Variants in SPRY1 observed in about 807,000 individuals in gnomAD.
SPRY1 encodes the protein protein sprouty homolog 1.
A neutral mutation model predicts 22.6 loss-of-function variants in SPRY1; 20 were observed. That is an observed-to-expected ratio of 0.89 (90% CI 0.62 to 1.29). The LOEUF (loss-of-function observed/expected upper bound fraction) is 1.29, where lower values mean the gene tolerates loss of function less well. Ranked by LOEUF, SPRY1 falls within the 50% of genes most tolerant of loss-of-function variation. The pLI, the probability that SPRY1 is intolerant of heterozygous loss-of-function variation, is 0.00. For synonymous variants in SPRY1, 155 were observed against 144.7 expected, an observed-to-expected ratio of 1.07 and a Z score of -0.51; for missense variants, 446 against 387.7, an observed-to-expected ratio of 1.15 and a Z score of -1.26.
chr4:123,399,852 C>G (rs1320630716), intron 2 of SPRY1: 1 of 152,222 alleles, frequency 6.6e-6, no homozygotes, highest in African/African-American at 2.4e-5. Flanking sequence ...CGCGTGTGAG[C>G]GTGTTTGGGG....
intron 1 of SPRY1, among the ~76,000 whole-genome samples, chr4:123,397,365 G>C (rs1475423342): frequency 2.0e-5 from 3 of 152,184 alleles, no homozygotes; most frequent in Non-Finnish European, 4.4e-5. Flanking sequence ...GGCGTTGCTT[G>C]AACGTTGTTT....
chr4:123,401,476 C>CA (rs1725147446), intron 2 of SPRY1, 61 bp from the exon 3 acceptor site: 1 of 1,360,788 alleles, frequency 7.3e-7, no homozygotes, highest in African/African-American at 1.5e-5. Flanking sequence ...ATTCCCCCCC[C>CA]CCAAAAAAAA....
At position 123,396,922 on chromosome 4, in the gene SPRY1, C is replaced by T. The variant is rs933967951; in HGVS notation, c.-312C>T. 1.1e-4 allele frequency: 17 copies of T among 152,326 alleles called. No homozygotes were observed. Among genetic ancestry groups the T allele is most frequent in the African/African-American group, 4.1e-4 (17 of 41,558 alleles). The allele number at this position is 152,326 out of a possible 1,614,324, so 9.4% of individuals were successfully genotyped here. A position where few individuals can be genotyped will look rare whatever the true frequency, so the allele number is the denominator to read the frequency against. On this transcript the variant is annotated 5_prime_UTR_variant, in exon 1 of 3. Transcript: ENST00000651917. The stretch of plus-strand genomic sequence containing the variant: ...ATGTGCCTGAAAAGCAATTTGCAAT[C>T]TTTGCATTAGGTAAGTACCGTTTCC...
intron 2 of SPRY1, chr4:123,400,201 G>A (rs2126195756): frequency 6.6e-6 from 1 of 152,310 alleles, no homozygotes; most frequent in Middle Eastern, 3.4e-3. Flanking sequence ...TTATGAATGT[G>A]TTACTCCTCA....
chr4:123,401,993 A>G lies in SPRY1; in HGVS notation c.402A>G (p.Gly134=). The stretch of plus-strand genomic sequence containing the variant: ...ACAGCAGTGCCTCTTCTGAACAGGG[A>G]CTGTTAGGAAGGTCACCACCAACCA... ...GSNSSASSEQ[G]LLGRSPPTRP... Residue 134 remains glycine, a synonymous_variant, in exon 3 of 3, where the codon GGA becomes GGG. Coordinates refer to ENST00000651917, the MANE Select transcript of SPRY1 (RefSeq NM_001258038.2). The G allele has an allele frequency of 1.9e-6, 3 of 1,614,148 alleles. No individual in the cohort carries two copies. Among genetic ancestry groups the G allele is most frequent in the Non-Finnish European group, 2.5e-6 (3 of 1,180,028 alleles).
intron 1 of SPRY1, among the ~76,000 whole-genome samples, chr4:123,397,157 C>A (rs964223002): frequency 1.3e-5 from 2 of 152,192 alleles, no homozygotes; most frequent in Non-Finnish European, 2.9e-5. Context: ...CTTAACCGAA[C>A]AGTAGACGTT....
Position 123,401,512 on chromosome 4 carries a change from T to C in SPRY1, c.-55-25T>C, listed in dbSNP as rs1470027923. ...TGCTTCCTGTCATTTATTTTCTGTT[T>C]TTTTCATCTTTGATTTCGTTTTAGG... On this transcript the variant is annotated intron_variant, in intron 2 of 2. Transcript: ENST00000651917. 1.4e-5 allele frequency: 21 copies of C among 1,533,924 alleles called. No homozygotes were observed. The Admixed American group carries it at 4.3e-4, about 31-fold the overall frequency.
At position 123,403,282 on chromosome 4, in the gene SPRY1, C is replaced by G. The variant is rs1483105766; in HGVS notation, c.*731C>G. 6.0e-6 allele frequency: 1 copy of G among 167,362 alleles called. No individual in the cohort carries two copies. Among genetic ancestry groups the G allele is most frequent in the Non-Finnish European group, 1.5e-5 (1 of 68,322 alleles). The allele number at this position is 167,362 out of a possible 1,614,324, so 10.4% of individuals were successfully genotyped here. ...ATTTGTGAAGGACTCAGCCACCTTCCTTCTTCACCCCATGCTTCTCACCAA... is the reference window on the plus strand; with the variant it reads ...ATTTGTGAAGGACTCAGCCACCTTCGTTCTTCACCCCATGCTTCTCACCAA... On this transcript the variant is annotated 3_prime_UTR_variant, in exon 3 of 3. Coordinates refer to ENST00000651917, the MANE Select transcript of SPRY1 (RefSeq NM_001258038.2).
Position 123,402,531 on chromosome 4 carries a change from G to C in SPRY1, c.940G>C (p.Gly314Arg). The stretch of plus-strand genomic sequence containing the variant: ...TAAGCTGGAGAGCTGCCCCTCCCGG[G>C]GTCAGGGTAAACCATCATGATTTTT... Reference protein sequence around the residue: ...YCKLESCPSRGQGKPS With the variant: ...YCKLESCPSRRQGKPS Residue 314 changes from glycine (G) to arginine (R), a missense_variant, in exon 3 of 3, where the codon GGT becomes CGT. Coordinates refer to ENST00000651917, the MANE Select transcript of SPRY1 (RefSeq NM_001258038.2). The C allele has an allele frequency of 6.2e-7, 1 of 1,612,968 alleles. No homozygotes were observed. The highest frequency in any genetic ancestry group is 8.5e-7 in the Non-Finnish European group (1 of 1,179,188).
intron 2 of SPRY1, chr4:123,399,590 C>G (rs1725064873): frequency 6.6e-6 from 1 of 152,342 alleles, no homozygotes; most frequent in Admixed American, 6.5e-5. Context: ...TGGCTTCTTT[C>G]TCCTCGGCCC....
Position 123,401,682 on chromosome 4 carries a change from A to G in SPRY1, c.91A>G (p.Arg31Gly). Residue 31 changes from arginine (R) to glycine (G), a missense_variant, in exon 3 of 3, where the codon AGA (arginine) becomes GGA (glycine). Transcript: ENST00000651917. ...LDSRQRLDYE[R>G]EIQPTAILSL... ...TAGCCGTCAGAGATTAGACTATGAG[A>G]GAGAGATTCAGCCTACTGCTATTTT... The G allele has an allele frequency of 6.2e-7, 1 of 1,614,166 alleles. No homozygotes were observed. The highest frequency in any genetic ancestry group is 2.2e-5 in the East Asian group (1 of 44,884).
At position 123,401,672 on chromosome 4, in the gene SPRY1, A is replaced by G; in HGVS notation, c.81A>G (p.Leu27=). ...CTTCTTTGGATAGCCGTCAGAGATT[A>G]GACTATGAGAGAGAGATTCAGCCTA... ...QQPSLDSRQR[L]DYEREIQPTA... The change falls in exon 3 of 3, where the codon TTA becomes TTG. Residue 27 remains leucine, a synonymous_variant. Transcript: ENST00000651917. 6.2e-7 allele frequency: 1 copy of G among 1,614,220 alleles called. No individual in the cohort carries two copies. Among genetic ancestry groups the G allele is most frequent in the Non-Finnish European group, 8.5e-7 (1 of 1,180,048 alleles).
chr4:123,399,674 TG>T (rs550421164), intron 2 of SPRY1: 3 of 152,396 alleles, frequency 2.0e-5, no homozygotes, highest in Admixed American at 6.5e-5. Flanking sequence ...GGGCTTGCTT[TG>T]GGCTCCCGCG....
At position 123,402,427 on chromosome 4, in the gene SPRY1, G is replaced by A. The variant is rs750140832; in HGVS notation, c.836G>A (p.Cys279Tyr). The change falls in exon 3 of 3, where the codon TGC (cysteine) becomes TAC (tyrosine). Residue 279 changes from cysteine to tyrosine, a missense_variant. Transcript: ENST00000651917. ...CLLCYPPAKG[C>Y]LKLCRRCYDW... The stretch of plus-strand genomic sequence containing the variant: ...CTCTGTTATCCTCCTGCTAAAGGAT[G>A]CCTGAAGCTGTGCAGGAGGTGTTAT... 9 of 1,614,034 alleles carry A rather than the reference G, an allele frequency of 5.6e-6. No individual in the cohort carries two copies. Among genetic ancestry groups the A allele is most frequent in the African/African-American group, 1.3e-5 (1 of 74,916 alleles).
At chr4:123,398,983 C>G (rs772804324) in intron 2 of SPRY1, among the ~76,000 whole-genome samples, 2 of 152,104 alleles carry the variant, frequency 1.3e-5, no homozygotes, top group Non-Finnish European at 2.9e-5. Context: ...CCGATTACCC[C>G]CTCGATAGAA....
At position 123,402,321 on chromosome 4, in the gene SPRY1, A is replaced by C; in HGVS notation, c.730A>C (p.Asn244His). Residue 244 changes from asparagine to histidine, a missense_variant, in exon 3 of 3, where the codon AAT becomes CAT. Asn to His is a moderately conservative substitution (Grantham distance 68, BLOSUM62 1). Transcript: ENST00000651917. ...NDDEGDSYSD[N>H]PCSCSQSHCC... ...CGACGAAGGGGATTCCTATTCAGAT[A>C]ATCCTTGCTCCTGTTCACAATCACA... 1 of 1,614,182 alleles carries C rather than the reference A, an allele frequency of 6.2e-7. No homozygotes were observed. Among genetic ancestry groups the C allele is most frequent in the African/African-American group, 1.3e-5 (1 of 75,044 alleles).
chr4:123,401,407 TA>T, intron 2 of SPRY1, 129 bp from the exon 3 acceptor site: 1 of 728,374 alleles, frequency 1.4e-6, no homozygotes, highest in Non-Finnish European at 2.2e-6. Context: ...AGCATCATTG[TA>T]ATCCACTGAT....
chr4:123,399,401 C>T (rs1290343748), intron 2 of SPRY1: 2 of 152,288 alleles, frequency 1.3e-5, no homozygotes, highest in East Asian at 1.9e-4. Context: ...GGAAGTCCGC[C>T]CTCCTGAGCT....
At chr4:123,398,334 G>C (rs564638570) in intron 2 of SPRY1, 1 of 151,738 alleles carries the variant, frequency 6.6e-6, no homozygotes, top group East Asian at 1.9e-4. Flanking sequence ...AGGGGGCCGC[G>C]GGGAGCGCTC....
Sources: gnomAD v4.1 joint callset for allele counts (sites outside exome capture counted in the v4.1 genomes callset) on GRCh38, gnomAD v4.1.1 for gene constraint, MANE v1.5 for transcripts, NCBI Gene and HGNC (gene_info 2026-07-23, HGNC 2026-07-21) for gene names.